ANKRD17: variants seen among roughly 807,000 people sequenced by gnomAD.
ANKRD17 encodes the protein ankyrin repeat domain 17, also known as ankyrin repeat domain-containing protein 17.
In ANKRD17, 19 loss-of-function variants were observed where a neutral mutation model predicts 229.7. The ratio of observed to expected loss-of-function variants is 0.08; its 90% confidence interval spans 0.06 to 0.12. ANKRD17 has a LOEUF of 0.12. Ranked by LOEUF, ANKRD17 falls within the 10% of genes least tolerant of loss-of-function variation. ANKRD17 has a pLI of 1.00. For missense variants in ANKRD17, 2,176 were observed against 3,176.8 expected, an observed-to-expected ratio of 0.68 and a Z score of 7.57; for synonymous variants, 1,112 against 1,146.1, an observed-to-expected ratio of 0.97 and a Z score of 0.60.
At chr4:73,230,084 C>G (rs543349581) in intron 1 of ANKRD17, among the ~76,000 whole-genome samples, 2 of 151,994 alleles carry the variant, frequency 1.3e-5, no homozygotes, top group Admixed American at 6.6e-5. Flanking sequence ...TTGATGATTA[C>G]ATTTAAAAAT....
intron 22 of ANKRD17, among the ~76,000 whole-genome samples, chr4:73,118,073 G>C (rs768383769): frequency 6.6e-6 from 1 of 152,050 alleles, no homozygotes; most frequent in Non-Finnish European, 1.5e-5. Flanking sequence ...CTGGAGTGCG[G>C]TGGTGCAATC....
intron 24 of ANKRD17, among the ~76,000 whole-genome samples, chr4:73,108,103 C>T (rs1369093469): frequency 2.0e-5 from 3 of 152,118 alleles, no homozygotes; most frequent in African/African-American, 7.2e-5. Flanking sequence ...CTCAGGTGAT[C>T]CTCCCACCTC....
intron 2 of ANKRD17, among the ~76,000 whole-genome samples, chr4:73,171,532 C>T (rs868701531): frequency 1.3e-5 from 2 of 152,134 alleles, no homozygotes; most frequent in African/African-American, 2.4e-5. Flanking sequence ...GCAAGGATCA[C>T]GACCATCAGA....
intron 13 of ANKRD17, 93 bp downstream of exon 13, chr4:73,142,149 C>CAA (rs555639924): frequency 2.3e-6 from 3 of 1,287,476 alleles, no homozygotes. Flanking sequence ...CATATTAGAA[C>CAA]AAAAAAAAAC....
At chr4:73,158,900 GC>G (rs765146089) in intron 3 of ANKRD17, among the ~76,000 whole-genome samples, 2 of 152,198 alleles carry the variant, frequency 1.3e-5, no homozygotes, top group Non-Finnish European at 2.9e-5. Context: ...ACCAGATGCA[GC>G]CCCTTGACCA....
chr4:73,145,505 A>G (rs1248262539), intron 10 of ANKRD17, among the ~76,000 whole-genome samples: 3 of 152,322 alleles, frequency 2.0e-5, no homozygotes, highest in Non-Finnish European at 2.9e-5. Flanking sequence ...GATTTGAGAA[A>G]AAGTATCTTT....
Position 73,115,773 on chromosome 4 carries a change from A to G in ANKRD17, c.4284+48T>C, listed in dbSNP as rs143455212. ...ACTAGGAATTCTTAGAATGGAAGAT[A>G]TATTAACCGAATAGAGTCCCTTGCT... On this transcript the variant is annotated intron_variant, in intron 23 of 33. Transcript: ENST00000358602. 6 of 1,406,652 alleles carry G rather than the reference A, an allele frequency of 4.3e-6. No individual in the cohort carries two copies. In the East Asian group the frequency reaches 1.1e-4, roughly 27 times the overall value. The allele number at this position is 1,406,652 out of a possible 1,614,324, so 87.1% of individuals were successfully genotyped here. A position where few individuals can be genotyped will look rare whatever the true frequency, so the allele number is the denominator to read the frequency against.
chr4:73,195,879 T>C (rs1001305741), intron 1 of ANKRD17, among the ~76,000 whole-genome samples: 1 of 152,118 alleles, frequency 6.6e-6, no homozygotes, highest in African/African-American at 2.4e-5. Context: ...TTAGTGTATA[T>C]GGGTGGGATG....
intron 22 of ANKRD17, 63 bp from the exon 23 acceptor site, chr4:73,115,979 T>C (rs1164032463): frequency 1.5e-6 from 2 of 1,373,006 alleles, no homozygotes; most frequent in Admixed American, 1.7e-5. Flanking sequence ...AATCTATGCC[T>C]GAACTAACTT....
chr4:73,101,634 C>T (rs1042308251), intron 25 of ANKRD17, among the ~76,000 whole-genome samples: 2 of 131,002 alleles, frequency 1.5e-5, no homozygotes, highest in African/African-American at 5.9e-5. Context: ...TACTGCACTC[C>T]AGTCTGGGCA....
At position 73,078,839 on chromosome 4, in the gene ANKRD17, G is replaced by A; in HGVS notation, c.7211C>T (p.Pro2404Leu). 1.9e-6 allele frequency: 3 copies of A among 1,614,148 alleles called. No homozygotes were observed. Among genetic ancestry groups the A allele is most frequent in the Non-Finnish European group, 1.7e-6 (2 of 1,180,018 alleles). ...SSGVRAPSPAPSSVPLGSEKP... is the reference protein window; with the variant it reads ...SSGVRAPSPALSSVPLGSEKP... The stretch of plus-strand genomic sequence containing the variant: ...TTCTGACCCTAACGGTACTGATGAT[G>A]GGGCAGGAGATGGTGCACGAACTCC... The change falls in exon 31 of 34, where the codon CCA becomes CTA. Residue 2404 changes from proline to leucine, a missense_variant. Around this residue, in one of 18 missense-constraint regions of ANKRD17, gnomAD observed 87 missense variants for 116.0 expected, o/e 0.75. Transcript: ENST00000358602.
chr4:73,208,126 T>C lies in ANKRD17; in HGVS notation c.394-30593A>G, dbSNP rs542983702. On this transcript the variant is annotated intron_variant, in intron 1 of 33. Transcript: ENST00000358602. ...ATGGCGTGAGCCCGGGAGGCGGAGC[T>C]TGCAGTGAGCAGAGATCGGGCCACT... 2.0e-5 allele frequency among the ~76,000 whole-genome samples: 3 copies of C among 147,092 alleles called. No individual in the cohort carries two copies. The South Asian group carries it at 6.4e-4, about 31-fold the overall frequency.
chr4:73,183,654 T>C (rs1188900832), intron 1 of ANKRD17, among the ~76,000 whole-genome samples: 5 of 152,126 alleles, frequency 3.3e-5, no homozygotes, highest in Non-Finnish European at 7.4e-5. Context: ...TTTGTGTATT[T>C]TGGTAGAGAT....
intron 29 of ANKRD17, among the ~76,000 whole-genome samples, chr4:73,088,244 T>A (rs753316234): frequency 2.0e-4 from 31 of 152,022 alleles, no homozygotes; most frequent in Admixed American, 4.6e-4. Flanking sequence ...TAGGAAGAAG[T>A]AGAGAGAAGT....
intron 1 of ANKRD17, among the ~76,000 whole-genome samples, chr4:73,252,531 A>G (rs1560791217): frequency 6.6e-6 from 1 of 152,192 alleles, no homozygotes; most frequent in African/African-American, 2.4e-5. Context: ...CTCTTTGAGG[A>G]TCTAATGAAA....
intron 1 of ANKRD17, among the ~76,000 whole-genome samples, chr4:73,233,132 C>G (rs1743212427): frequency 6.6e-6 from 1 of 152,104 alleles, no homozygotes; most frequent in Non-Finnish European, 1.5e-5. Flanking sequence ...CCTCCTGCAT[C>G]AAAATGGCAA....
At chr4:73,117,892 T>C (rs1397034706) in intron 22 of ANKRD17, among the ~76,000 whole-genome samples, 1 of 152,234 alleles carries the variant, frequency 6.6e-6, no homozygotes, top group African/African-American at 2.4e-5. Context: ...TTTGTTTTAC[T>C]TTCACGGAAT....
intron 29 of ANKRD17, among the ~76,000 whole-genome samples, chr4:73,089,487 A>C (rs1024857606): frequency 2.6e-5 from 4 of 152,212 alleles, no homozygotes; most frequent in African/African-American, 9.6e-5. Context: ...CAACAGCTTT[A>C]AATGGAAACT....
At chr4:73,081,786 CCA>C (rs1721595198) in intron 30 of ANKRD17, among the ~76,000 whole-genome samples, 2 of 152,114 alleles carry the variant, frequency 1.3e-5, no homozygotes, top group African/African-American at 4.8e-5. Context: ...GGTAACTTCA[CCA>C]CAGTTTAGAA....
Sources: allele counts gnomAD v4.1 joint callset (sites outside exome capture counted in the v4.1 genomes callset), GRCh38; gene constraint gnomAD v4.1.1; regional missense constraint gnomAD v4.1.1; transcripts MANE v1.5; gene names NCBI Gene and HGNC (gene_info 2026-07-23, HGNC 2026-07-21).